Variants in TRABD2A observed in about 807,000 individuals in gnomAD.
TRABD2A encodes the protein TraB domain containing 2A.
In TRABD2A, 43 loss-of-function variants were observed where a neutral mutation model predicts 45.6. The observed-to-expected ratio is 0.94, with a 90% CI of 0.74 to 1.22. The LOEUF is 1.22. TRABD2A is among the 50% of genes most tolerant of loss of function. The probability of loss-of-function intolerance (pLI) is 0.00; values close to 1 mark genes in which losing one functional copy is unlikely to be tolerated. For missense variants in TRABD2A, 642 were observed against 652.4 expected (o/e 0.98, Z 0.17); for synonymous variants, 269 against 265.0 (o/e 1.02, Z -0.15).
chr2:84,875,733 A>T (rs1472034501), intron 1 of TRABD2A, among the ~76,000 whole-genome samples: 1 of 152,248 alleles, frequency 6.6e-6, no homozygotes. Flanking sequence ...TTTGCTGGCC[A>T]GCACGGTGCC....
Position 84,839,240 on chromosome 2 carries a change from C to G in TRABD2A, c.900G>C (p.Leu300=), listed in dbSNP as rs375360900. The part of the protein sequence containing the change: ...QEIDSYLRRE[L]IYKRNERIGK... ...CTATTCTCTCATTCCGCTTGTAGAT[C>G]AGCTCCCGGCGTAAGTAGCTGTCAA... Residue 300 remains leucine (L), a synonymous_variant, in exon 4 of 7, where the codon CTG becomes CTC. Coordinates refer to ENST00000409520, the MANE Select transcript of TRABD2A (RefSeq NM_001277053.2). The G allele has an allele frequency of 9.5e-5, 154 of 1,613,808 alleles. No individual in the cohort carries two copies. Among genetic ancestry groups the G allele is most frequent in the Non-Finnish European group, 1.2e-4 (138 of 1,179,890 alleles).
At chr2:84,854,088 A>T (rs985711819) in intron 2 of TRABD2A, among the ~76,000 whole-genome samples, 1 of 150,242 alleles carries the variant, frequency 6.7e-6, no homozygotes, top group African/African-American at 2.4e-5. Flanking sequence ...TGAAAAAATA[A>T]AAATAATACA....
At chr2:84,822,202 T>C (rs1449521824) in intron 6 of TRABD2A, 102 bp from the exon 7 acceptor site, 3 of 1,005,716 alleles carry the variant, frequency 3.0e-6, no homozygotes, top group Non-Finnish European at 4.2e-6. Context: ...TCTCCCCTCC[T>C]TATAGACAGG....
At chr2:84,869,840 G>A (rs376385226) in intron 2 of TRABD2A, among the ~76,000 whole-genome samples, 5 of 151,898 alleles carry the variant, frequency 3.3e-5, no homozygotes, top group African/African-American at 4.8e-5. Flanking sequence ...GTAGTCGGGC[G>A]TGGTAGCACA....
At chr2:84,878,211 C>T (rs553665384) in intron 1 of TRABD2A, among the ~76,000 whole-genome samples, 1 of 152,132 alleles carries the variant, frequency 6.6e-6, no homozygotes, top group East Asian at 1.9e-4. Context: ...GAGAATTTCC[C>T]AGGGGGAAGA....
rs887494604 is a variant in TRABD2A at position 84,830,577 on chromosome 2, A to G, written c.1082+1478T>C. Among the ~76,000 whole-genome samples, 82 of 152,216 alleles carry G rather than the reference A, an allele frequency of 5.4e-4. 3 individuals are homozygous for G. Among genetic ancestry groups the G allele is most frequent in the Admixed American group, 5.3e-3 (81 of 15,294 alleles). On this transcript the variant is annotated intron_variant, in intron 5 of 6. Coordinates refer to ENST00000409520, the MANE Select transcript of TRABD2A (RefSeq NM_001277053.2). The surrounding 1 kb of genome is among the most constrained non-coding windows in gnomAD (Gnocchi z 4.9). ...GGTGGCCATGGAAATGGAGAAGGACAAATCCCAGCGAGTCTTTAGTGGAGG... is the reference window on the plus strand; with the variant it reads ...GGTGGCCATGGAAATGGAGAAGGACGAATCCCAGCGAGTCTTTAGTGGAGG...
At chr2:84,823,906 A>G in intron 6 of TRABD2A, 47 bp downstream of exon 6, 1 of 1,604,042 alleles carries the variant, frequency 6.2e-7, no homozygotes, top group Non-Finnish European at 8.5e-7. Flanking sequence ...GGGTCCGCTC[A>G]CTAGGGTAAA....
At position 84,821,739 on chromosome 2, in the gene TRABD2A, C is replaced by G. The variant is rs892467384; in HGVS notation, c.*178G>C. On this transcript the variant is annotated 3_prime_UTR_variant, in exon 7 of 7. Transcript: ENST00000409520. ...TGTTACAAAACTGTACACCTGCCCC[C>G]AAAGTTGGATAACCCAAAGTCACAT... 1.9e-6 allele frequency: 1 copy of G among 526,666 alleles called. No individual in the cohort carries two copies. Among genetic ancestry groups the G allele is most frequent in the Non-Finnish European group, 3.1e-6 (1 of 323,762 alleles). 32.6% of individuals were successfully genotyped at this position (526,666 alleles called of 1,614,324 possible). A position where few individuals can be genotyped will look rare whatever the true frequency, so the allele number is the denominator to read the frequency against.
At chr2:84,857,927 A>G (rs1682370340) in intron 2 of TRABD2A, among the ~76,000 whole-genome samples, 1 of 152,222 alleles carries the variant, frequency 6.6e-6, no homozygotes, top group African/African-American at 2.4e-5. Flanking sequence ...CCGGGCCAGA[A>G]TGCAATGGCA....
chr2:84,858,016 C>T (rs887587038), intron 2 of TRABD2A, among the ~76,000 whole-genome samples: 1 of 152,166 alleles, frequency 6.6e-6, no homozygotes, highest in African/African-American at 2.4e-5. Flanking sequence ...GCTAGGACTA[C>T]AGGCGCTCAC....
In TRABD2A at chr2:84,829,415, TACCACACAC is replaced by T. The variant is rs1573917238; in HGVS notation, c.1082+2631_1082+2639del. ...ACACACACACCACACACACCACACA[TACCACACAC>T]ACTACACACACACAAAACACACGTA... On this transcript the variant is annotated intron_variant, in intron 5 of 6. Transcript: ENST00000409520. Among the ~76,000 whole-genome samples, 5 of 113,776 alleles carry T rather than the reference TACCACACAC, an allele frequency of 4.4e-5. No individual in the cohort carries two copies. The East Asian group carries it at 1.5e-3, about 34-fold the overall frequency. The allele number at this position is 113,776 out of a possible 152,430, so 74.6% of individuals were successfully genotyped here. A position where few individuals can be genotyped will look rare whatever the true frequency, so the allele number is the denominator to read the frequency against.
intron 4 of TRABD2A, chr2:84,838,343 G>C (rs1369910992): frequency 1.0e-5 from 7 of 672,858 alleles, no homozygotes; most frequent in Non-Finnish European, 1.9e-5. Flanking sequence ...TTCTAGGATT[G>C]TTGCAAGCCT....
intron 4 of TRABD2A, 64 bp from the exon 5 acceptor site, chr2:84,832,209 CA>C: frequency 6.5e-7 from 1 of 1,547,322 alleles, no homozygotes; most frequent in African/African-American, 1.4e-5. Flanking sequence ...ACTCCCCAAA[CA>C]CACACCCTAG....
chr2:84,839,171 G>T lies in TRABD2A; in HGVS notation c.969C>A (p.Gly323=), dbSNP rs1340686411. ...CACCAGCTCCAAAGGCAAAGAAGAA[G>T]CCTTTGTCAGGGAACTCCTCCAAAA... ...KALLEEFPDK[G]FFFAFGAGHF... is the part of the protein sequence containing the mutation. Residue 323 remains glycine, a synonymous_variant, in exon 4 of 7, where the codon GGC becomes GGA. Transcript: ENST00000409520. 1 of 1,613,824 alleles carries T rather than the reference G, an allele frequency of 6.2e-7. No individual in the cohort carries two copies. The highest frequency in any genetic ancestry group is 1.3e-5 in the African/African-American group (1 of 74,914).
At position 84,824,099 on chromosome 2, in the gene TRABD2A, G is replaced by C. The variant is rs755523009; in HGVS notation, c.1188C>G (p.His396Gln). ...GGGACACAAGGGGAGGCAGCGTTGAGTGCCCTGAGGATACGGCTTCTGGTG... is the reference window on the plus strand; with the variant it reads ...GGGACACAAGGGGAGGCAGCGTTGACTGCCCTGAGGATACGGCTTCTGGTG... ...VPAPEAVSSG[H>Q]STLPPLVSRP... The change falls in exon 6 of 7, where the codon CAC (histidine) becomes CAG (glutamine). Residue 396 changes from histidine to glutamine, a missense_variant. Transcript: ENST00000409520. The C allele has an allele frequency of 6.2e-7, 1 of 1,613,946 alleles. No homozygotes were observed. The highest frequency in any genetic ancestry group is 8.5e-7 in the Non-Finnish European group (1 of 1,179,840).
intron 2 of TRABD2A, among the ~76,000 whole-genome samples, chr2:84,868,235 G>A (rs113771900): frequency 3.9e-5 from 6 of 152,198 alleles, no homozygotes; most frequent in East Asian, 1.9e-4. Context: ...GCACATATAC[G>A]CCTTGGAATA....
intron 4 of TRABD2A, 93 bp from the exon 5 acceptor site, chr2:84,832,238 G>T: frequency 7.6e-7 from 1 of 1,311,738 alleles, no homozygotes; most frequent in Non-Finnish European, 1.1e-6. Context: ...AAATTACCCT[G>T]CCAAGCCCCC....
At chr2:84,836,990 T>G (rs1177851017) in intron 4 of TRABD2A, 2 of 137,082 alleles carry the variant, frequency 1.5e-5, no homozygotes, top group Non-Finnish European at 3.1e-5. Context: ...TTTAGGGTTT[T>G]TTTTTTTTTT....
chr2:84,851,885 A>C (rs1335019226), intron 2 of TRABD2A, among the ~76,000 whole-genome samples: 1 of 152,246 alleles, frequency 6.6e-6, no homozygotes, highest in African/African-American at 2.4e-5. Flanking sequence ...TGATGACCTC[A>C]AATGTAATTA....
Sources: gnomAD v4.1 joint callset for allele counts (sites outside exome capture counted in the v4.1 genomes callset) on GRCh38, gnomAD v4.1.1 for gene constraint, Gnocchi (gnomAD v3.1) non-coding constraint, MANE v1.5 for transcripts, NCBI Gene and HGNC (gene_info 2026-07-23, HGNC 2026-07-21) for gene names.